Variants in SPATA45 observed in about 807,000 individuals in gnomAD.
SPATA45 encodes the protein spermatogenesis-associated protein 45.
In SPATA45, 5 loss-of-function variants were observed where a neutral mutation model predicts 7.0. The ratio of observed to expected loss-of-function variants is 0.71; its 90% CI spans 0.37 to 1.50. The LOEUF (loss-of-function observed/expected upper bound fraction) is 1.50, where lower values mean the gene tolerates loss of function less well. Among genes scored for constraint, SPATA45 ranks in the 40% most tolerant of loss-of-function variants. SPATA45 has a pLI of 0.03. For missense variants in SPATA45, 111 were observed against 114.9 expected (o/e 0.97, Z 0.16); for synonymous variants, 40 against 38.7 (o/e 1.03, Z -0.13).
chr1:212,842,932 C>CAA (rs35856086), intron 1 of SPATA45, among the ~76,000 whole-genome samples: 1,602 of 136,758 alleles, frequency 0.012, 16 homozygotes, highest in African/African-American at 0.03. Context: ...ACTAAAAATA[C>CAA]AAAAAAAAAA....
At chr1:212,832,081 C>T (rs1176637564) in intron 2 of SPATA45, among the ~76,000 whole-genome samples, 2 of 129,286 alleles carry the variant, frequency 1.5e-5, no homozygotes, top group Non-Finnish European at 1.6e-5. Context: ...TGCAGTGGCG[C>T]GATCTCTGCT....
At chr1:212,838,237 G>A (rs1462281755) in intron 1 of SPATA45, among the ~76,000 whole-genome samples, 1 of 150,974 alleles carries the variant, frequency 6.6e-6, no homozygotes, top group Admixed American at 6.6e-5. Context: ...CCTGGGAGGC[G>A]AGGTTGCGGT....
intron 1 of SPATA45, among the ~76,000 whole-genome samples, chr1:212,844,198 G>T (rs1380173000): frequency 1.3e-5 from 2 of 152,212 alleles, no homozygotes; most frequent in Non-Finnish European, 2.9e-5. Context: ...TCTGTGTGCA[G>T]CGGCTGCTGC....
intron 1 of SPATA45, among the ~76,000 whole-genome samples, chr1:212,837,069 T>A (rs535873611): frequency 5.5e-4 from 83 of 151,586 alleles, no homozygotes; most frequent in Middle Eastern, 3.4e-3. Flanking sequence ...TATTGTTTTT[T>A]AAAATTATAC....
At chr1:212,837,692 T>G (rs1279027577) in intron 1 of SPATA45, among the ~76,000 whole-genome samples, 1 of 151,298 alleles carries the variant, frequency 6.6e-6, no homozygotes, top group Non-Finnish European at 1.5e-5. Flanking sequence ...ATCCCAACAC[T>G]TTGGAAGGCC....
chr1:212,833,726 T>C (rs1663530472), intron 2 of SPATA45, among the ~76,000 whole-genome samples: 1 of 151,614 alleles, frequency 6.6e-6, no homozygotes, highest in African/African-American at 2.4e-5. Flanking sequence ...GTGGCTGGGT[T>C]CATCTGTCCA....
intron 1 of SPATA45, among the ~76,000 whole-genome samples, chr1:212,841,631 C>CTTTTTTTTT (rs5780702): frequency 8.0e-6 from 1 of 125,224 alleles, no homozygotes; most frequent in Admixed American, 8.2e-5. Context: ...AGGTATCTTT[C>CTTTTTTTTT]TTTTTTTTTT....
At chr1:212,837,579 G>A (rs1320689284) in intron 1 of SPATA45, among the ~76,000 whole-genome samples, 1 of 151,540 alleles carries the variant, frequency 6.6e-6, no homozygotes, top group African/African-American at 2.4e-5. Context: ...GTTGCAGTGA[G>A]CTGAGATCAC....
chr1:212,831,248 T>G (rs1663481792), intron 2 of SPATA45, among the ~76,000 whole-genome samples: 1 of 151,088 alleles, frequency 6.6e-6, no homozygotes, highest in Non-Finnish European at 1.5e-5. Flanking sequence ...GCAGGCAGAT[T>G]GCTTGAGGTC....
chr1:212,832,921 T>G (rs1663518058), intron 2 of SPATA45, among the ~76,000 whole-genome samples: 2 of 151,512 alleles, frequency 1.3e-5, no homozygotes, highest in African/African-American at 4.8e-5. Context: ...TCCTAATTTG[T>G]GCCAGACACT....
At chr1:212,843,126 C>CACACAT (rs1242076398) in intron 1 of SPATA45, among the ~76,000 whole-genome samples, 4 of 148,572 alleles carry the variant, frequency 2.7e-5, no homozygotes, top group Non-Finnish European at 4.5e-5. Context: ...CACACACACA[C>CACACAT]ACACACACAC....
chr1:212,837,182 T>C (rs977933029), intron 1 of SPATA45, among the ~76,000 whole-genome samples: 1 of 151,484 alleles, frequency 6.6e-6, no homozygotes, highest in Non-Finnish European at 1.5e-5. Flanking sequence ...TAATACATGT[T>C]TAATACATGA....
intron 2 of SPATA45, among the ~76,000 whole-genome samples, chr1:212,830,897 C>G (rs1663474523): frequency 6.7e-6 from 1 of 150,356 alleles, no homozygotes; most frequent in Non-Finnish European, 1.5e-5. Flanking sequence ...CAGGAGAAAT[C>G]AGTTGAACCC....
intron 1 of SPATA45, among the ~76,000 whole-genome samples, chr1:212,843,342 C>T (rs1195337973): frequency 6.6e-6 from 1 of 151,970 alleles, no homozygotes; most frequent in Non-Finnish European, 1.5e-5. Context: ...ATATCCAACT[C>T]ACAGAGTGTC....
chr1:212,841,631 C>CTTTTTTTT (rs5780702), intron 1 of SPATA45, among the ~76,000 whole-genome samples: 3 of 125,224 alleles, frequency 2.4e-5, no homozygotes, highest in African/African-American at 3.0e-5. Flanking sequence ...AGGTATCTTT[C>CTTTTTTTT]TTTTTTTTTT....
At chr1:212,841,376 C>G (rs984146750) in intron 1 of SPATA45, among the ~76,000 whole-genome samples, 1 of 152,074 alleles carries the variant, frequency 6.6e-6, no homozygotes, top group Non-Finnish European at 1.5e-5. Context: ...GTTGCCCAGG[C>G]TGGGCTGAAA....
intron 1 of SPATA45, among the ~76,000 whole-genome samples, chr1:212,846,819 A>AAGGG (rs1251791167): frequency 1.3e-5 from 2 of 152,194 alleles, no homozygotes; most frequent in African/African-American, 4.8e-5. Context: ...AGGGGCTTTG[A>AAGGG]AGGGCTCCCC....
intron 1 of SPATA45, among the ~76,000 whole-genome samples, chr1:212,844,200 G>A (rs553602812): frequency 8.6e-4 from 131 of 152,278 alleles, no homozygotes; most frequent in Non-Finnish European, 1.4e-3. Context: ...TGTGTGCAGC[G>A]GCTGCTGCTG....
chr1:212,843,878 C>T (rs1052320223), intron 1 of SPATA45, among the ~76,000 whole-genome samples: 2 of 152,156 alleles, frequency 1.3e-5, no homozygotes, highest in Non-Finnish European at 2.9e-5. Context: ...ATTGTCTTGC[C>T]TATCCACCCT....
Sources: allele counts gnomAD v4.1 joint callset (sites outside exome capture counted in the v4.1 genomes callset), GRCh38; gene constraint gnomAD v4.1.1; transcripts MANE v1.5; gene names NCBI Gene and HGNC (gene_info 2026-07-23, HGNC 2026-07-21).